TET2: variants seen among roughly 807,000 people sequenced by gnomAD.
TET2 encodes tet methylcytosine dioxygenase 2.
In TET2, 299 loss-of-function variants were observed where a neutral mutation model predicts 142.9. The observed-to-expected ratio is 2.09, with a 90% CI of 1.90 to 2.30. The LOEUF (loss-of-function observed/expected upper bound fraction) is 2.30. Ranked by LOEUF, TET2 falls within the 30% of genes most tolerant of loss-of-function variation. The pLI is 0.00. For missense variants in TET2, 2,418 were observed against 2,378.0 expected, an observed-to-expected ratio of 1.02 and a Z score of -0.35; for synonymous variants, 819 against 849.0, an observed-to-expected ratio of 0.96 and a Z score of 0.61.
At chr4:105,168,832 A>G (rs1016556965) in intron 1 of TET2, among the ~76,000 whole-genome samples, 8 of 152,108 alleles carry the variant, frequency 5.3e-5, no homozygotes. Flanking sequence ...GTGAGAACAT[A>G]TGATGTTTGG....
intron 1 of TET2, among the ~76,000 whole-genome samples, chr4:105,147,277 T>C (rs1053318756): frequency 2.6e-5 from 4 of 152,254 alleles, no homozygotes; most frequent in Non-Finnish European, 4.4e-5. Context: ...CCCGGCCTTT[T>C]TTAATCCTCA....
chr4:105,235,244 C>G lies in TET2; in HGVS notation c.1302C>G (p.His434Gln), dbSNP rs1463157178. The change falls in exon 3 of 11, where the codon CAC becomes CAG. Residue 434 changes from histidine (H) to glutamine (Q), a missense_variant. Physicochemically the swap from His to Gln is conservative, Grantham distance 24 (BLOSUM62 0). Coordinates refer to ENST00000380013, the MANE Select transcript of TET2 (RefSeq NM_001127208.3). ...TGAATGGTGGAGTTTTAGAAGAACA[C>G]CACCACTACCCCAACCAAAGTAACA... ...STLNGGVLEE[H>Q]HHYPNQSNTT... The G allele has an allele frequency of 3.1e-6, 5 of 1,613,966 alleles. No individual in the cohort carries two copies. In the African/African-American group the frequency reaches 5.3e-5, roughly 17 times the overall value.
chr4:105,193,606 A>G (rs1725911810), intron 2 of TET2, among the ~76,000 whole-genome samples: 1 of 152,164 alleles, frequency 6.6e-6, no homozygotes, highest in Admixed American at 6.6e-5. Flanking sequence ...GATTTTATAT[A>G]TTTTAAGGAA....
Position 105,275,732 on chromosome 4 carries a change from C to T in TET2, c.5222C>T (p.Pro1741Leu). 3 of 1,551,712 alleles carry T rather than the reference C, an allele frequency of 1.9e-6. No homozygotes were observed. Among genetic ancestry groups the T allele is most frequent in the Non-Finnish European group, 8.7e-7 (1 of 1,146,956 alleles). The change falls in exon 11 of 11, where the codon CCA (proline) becomes CTA (leucine). Residue 1741 changes from proline to leucine, a missense_variant. By Grantham distance (98) the Pro-to-Leu change is moderately conservative (BLOSUM62 -3). Coordinates refer to ENST00000380013, the MANE Select transcript of TET2 (RefSeq NM_001127208.3). ...GHFMGATSRL[P>L]PNLSNPNMDY... ...TTCATGGGAGCCACCTCTAGATTAC[C>T]ACCCAATCTGAGCAATCCAAACATG...
chr4:105,255,755 A>G (rs1730093269), intron 6 of TET2, among the ~76,000 whole-genome samples: 1 of 152,014 alleles, frequency 6.6e-6, no homozygotes, highest in South Asian at 2.1e-4. Flanking sequence ...TTAAAAATTG[A>G]TATTGCTAGT....
At chr4:105,263,520 T>G (rs1373649744) in intron 8 of TET2, among the ~76,000 whole-genome samples, 2 of 152,162 alleles carry the variant, frequency 1.3e-5, no homozygotes, top group Non-Finnish European at 2.9e-5. Flanking sequence ...ATTTCCAGTT[T>G]GGACAGGTAG....
chr4:105,260,926 G>T (rs2110286991), intron 7 of TET2, among the ~76,000 whole-genome samples: 1 of 152,066 alleles, frequency 6.6e-6, no homozygotes, highest in Non-Finnish European at 1.5e-5. Flanking sequence ...AGTGATAAAT[G>T]TTTATCACTT....
Position 105,233,987 on chromosome 4 carries a change from T to C in TET2, c.45T>C (p.Ser15=). The change falls in exon 3 of 11, where the codon AGT becomes AGC. Residue 15 remains serine, a synonymous_variant. Coordinates refer to ENST00000380013, the MANE Select transcript of TET2 (RefSeq NM_001127208.3). ...ACCATGTTGAGGGCAACAGACTAAG[T>C]CCATTCCTGATACCATCACCTCCCA... is the stretch of plus-strand genomic sequence containing the variant. ...RTNHVEGNRL[S]PFLIPSPPIC... 2 of 1,614,038 alleles carry C rather than the reference T, an allele frequency of 1.2e-6. No individual in the cohort carries two copies. The highest frequency in any genetic ancestry group is 1.7e-6 in the Non-Finnish European group (2 of 1,180,000).
At chr4:105,170,875 A>C (rs1424711013) in intron 1 of TET2, among the ~76,000 whole-genome samples, 1 of 152,186 alleles carries the variant, frequency 6.6e-6, no homozygotes, top group Non-Finnish European at 1.5e-5. Flanking sequence ...AGGGTGCTCA[A>C]GCCTCCTGCA....
intron 1 of TET2, among the ~76,000 whole-genome samples, chr4:105,166,620 GA>G (rs138353852): frequency 6.0e-4 from 89 of 147,146 alleles, no homozygotes; most frequent in African/African-American, 2.1e-3. Context: ...GAAAAAAAAA[GA>G]AAAAAAAACA....
chr4:105,256,530 T>G (rs753865455), intron 6 of TET2, among the ~76,000 whole-genome samples: 145 of 152,278 alleles, frequency 9.5e-4, no homozygotes, highest in Non-Finnish European at 1.5e-3. Context: ...GATTTTCTTG[T>G]GTTGGCTTTC....
rs148631862 is a variant in TET2, at chr4:105,207,249, T to C, written c.-47+16744T>C. On this transcript the variant is annotated intron_variant, in intron 2 of 10. Transcript: ENST00000380013. ...CAAAGATTTACTATCTTGTGAGTTTTTAGTTTGGATAATGAACTTAATTTC... is the reference window on the plus strand; with the variant it reads ...CAAAGATTTACTATCTTGTGAGTTTCTAGTTTGGATAATGAACTTAATTTC... 3.8e-3 allele frequency among the ~76,000 whole-genome samples: 572 copies of C among 152,328 alleles called. 6 individuals are homozygous for C. Among genetic ancestry groups the C allele is most frequent in the South Asian group, 0.02 (95 of 4,834 alleles).
intron 2 of TET2, among the ~76,000 whole-genome samples, chr4:105,221,804 G>T (rs1480609080): frequency 6.6e-6 from 1 of 151,626 alleles, no homozygotes; most frequent in South Asian, 2.1e-4. Context: ...ATGCTGGTGC[G>T]CTGCACCCAC....
rs1335376694 is a variant in TET2, at chr4:105,276,120, AATTCTC to A, written c.5614_5619del (p.Leu1872_Ile1873del). The A allele has an allele frequency of 6.4e-7, 1 of 1,551,536 alleles. No homozygotes were observed. Among genetic ancestry groups the A allele is most frequent in the Non-Finnish European group, 8.7e-7 (1 of 1,146,980 alleles). On this transcript the variant is annotated inframe_deletion, in exon 11 of 11. Transcript: ENST00000380013. The stretch of plus-strand genomic sequence containing the variant: ...TGGCCGTGGCTCCAACTCATGGGTC[AATTCTC>A]ATTGAGTGTGCAAAGCGTGAGCTGC...
At chr4:105,245,908 A>G (rs1435146478) in intron 6 of TET2, among the ~76,000 whole-genome samples, 1 of 152,168 alleles carries the variant, frequency 6.6e-6, no homozygotes, top group Non-Finnish European at 1.5e-5. Flanking sequence ...CTATTGCAAA[A>G]TGTTTGATTT....
In TET2 at chr4:105,154,078, A is replaced by G. The variant is rs918220118; in HGVS notation, c.-193+7099A>G. 5.3e-5 allele frequency among the ~76,000 whole-genome samples: 8 copies of G among 152,332 alleles called. No homozygotes were observed. The South Asian group carries it at 1.5e-3, about 28-fold the overall frequency. ...GCTTTCAATTTTAAGTAACGTCCAG[A>G]ATAGGCAAATCTAAGGAGACAGAAA... is the stretch of plus-strand genomic sequence containing the variant. On this transcript the variant is annotated intron_variant, in intron 1 of 10. Transcript: ENST00000380013.
intron 7 of TET2, among the ~76,000 whole-genome samples, chr4:105,261,373 T>C (rs765253683): frequency 3.9e-5 from 6 of 152,116 alleles, no homozygotes; most frequent in Admixed American, 2.6e-4. Flanking sequence ...AAACATAAAA[T>C]GTAAAGATTA....
intron 1 of TET2, among the ~76,000 whole-genome samples, chr4:105,169,411 T>G (rs183734381): frequency 2.0e-5 from 3 of 152,204 alleles, no homozygotes; most frequent in Admixed American, 2.0e-4. Flanking sequence ...CTTAGCCCAC[T>G]TTTTGATAGG....
chr4:105,267,883 T>C (rs1032210131), intron 8 of TET2, among the ~76,000 whole-genome samples: 1 of 151,960 alleles, frequency 6.6e-6, no homozygotes, highest in Non-Finnish European at 1.5e-5. Flanking sequence ...TTGCAGTAGG[T>C]ACAGAAAAAC....
Sources: allele counts gnomAD v4.1 joint callset (sites outside exome capture counted in the v4.1 genomes callset), GRCh38; gene constraint gnomAD v4.1.1; transcripts MANE v1.5; gene names NCBI Gene and HGNC (gene_info 2026-07-23, HGNC 2026-07-21).